The following SPPL3 variants were observed in gnomAD, a reference collection of about 807,000 sequenced individuals.
The protein encoded by SPPL3 is signal peptide peptidase like 3.
SPPL3 carries 5 observed loss-of-function variants against 42.4 expected under a neutral mutation model. That is an observed-to-expected ratio of 0.12 (90% CI 0.06 to 0.25). SPPL3 has a LOEUF of 0.25. Among genes scored for constraint, SPPL3 ranks in the 10% least tolerant of loss-of-function variants. The pLI is 1.00. For synonymous variants in SPPL3, 195 were observed against 181.8 expected (o/e 1.07, Z -0.58); for missense variants, 235 against 489.0 (o/e 0.48, Z 4.90).
chr12:120,903,436 C>T, intron 1 of SPPL3: 1 of 200,722 alleles, frequency 5.0e-6, no homozygotes. Flanking sequence ...GCCCAGCGGC[C>T]CACCTTTGCC....
At chr12:120,897,690 T>G (rs1873851845) in intron 1 of SPPL3, among the ~76,000 whole-genome samples, 1 of 152,176 alleles carries the variant, frequency 6.6e-6, no homozygotes, top group Non-Finnish European at 1.5e-5. Flanking sequence ...ACCACTGCAC[T>G]CCAGCCTGGG....
At chr12:120,903,742 CACGACACGCACCTGTTCTTCCTCCTCTT>C in intron 1 of SPPL3, 75 bp downstream of exon 1, 4 of 744,068 alleles carry the variant, frequency 5.4e-6, no homozygotes, top group Non-Finnish European at 5.9e-6. Context: ...GCCCCCCCCC[CACGACACGCACCTGTTCTTCCTCCTCTT>C]CCCCTCGGCG....
rs530087844 is a variant in SPPL3 at position 120,903,394 on chromosome 12, C to G, written c.23+451G>C. ...CTCTCCCAACTTAGAAGTTCTGCCT[C>G]TATCACCTGTTCTCACTAGAGCTTC... is the stretch of plus-strand genomic sequence containing the variant. On this transcript the variant is annotated intron_variant, in intron 1 of 10. Transcript: ENST00000353487. The G allele has an allele frequency of 9.0e-5, 13 of 144,900 alleles. No homozygotes were observed. In the South Asian group the frequency reaches 2.1e-3, roughly 24 times the overall value. The allele number at this position is 144,900 out of a possible 1,614,324, so 9.0% of individuals were successfully genotyped here.
intron 1 of SPPL3, among the ~76,000 whole-genome samples, chr12:120,882,108 G>A (rs1411692779): frequency 6.6e-6 from 1 of 152,016 alleles, no homozygotes; most frequent in Non-Finnish European, 1.5e-5. Flanking sequence ...TCCTGCCTGG[G>A]ATGTCACTCA....
In SPPL3 at chr12:120,794,615, C is replaced by G. The variant is rs944542216; in HGVS notation, c.102-3058G>C. ...GTTTCACTATGTTGGCCAGGCTGGT[C>G]TCGAACTCCTGACCTCATGATCCGC... On this transcript the variant is annotated intron_variant, in intron 2 of 10. Transcript: ENST00000353487. Among the ~76,000 whole-genome samples, 4 of 152,220 alleles carry G rather than the reference C, an allele frequency of 2.6e-5. No individual in the cohort carries two copies. The East Asian group carries it at 5.8e-4, about 22-fold the overall frequency.
chr12:120,779,708 C>T (rs1869453823), intron 6 of SPPL3, among the ~76,000 whole-genome samples: 1 of 151,562 alleles, frequency 6.6e-6, no homozygotes, highest in Middle Eastern at 3.4e-3. Context: ...CTGCGGTGGG[C>T]TCACGCCTGT....
At chr12:120,866,696 G>A (rs1872763214) in intron 1 of SPPL3, among the ~76,000 whole-genome samples, 1 of 152,198 alleles carries the variant, frequency 6.6e-6, no homozygotes, top group African/African-American at 2.4e-5. Context: ...TTCAGAATCT[G>A]ATAAAAGTTT....
intron 6 of SPPL3, among the ~76,000 whole-genome samples, chr12:120,782,264 G>T (rs115118172): frequency 6.6e-6 from 1 of 152,120 alleles, no homozygotes; most frequent in South Asian, 2.1e-4. Flanking sequence ...GGAAACAACC[G>T]GTAAACGAAT....
At chr12:120,825,151 A>G (rs574666406) in intron 1 of SPPL3, among the ~76,000 whole-genome samples, 35 of 152,236 alleles carry the variant, frequency 2.3e-4, no homozygotes, top group Non-Finnish European at 4.6e-4. Flanking sequence ...ATCCAAACTT[A>G]CATAATGTCA....
chr12:120,824,951 G>A (rs1481809774), intron 1 of SPPL3, among the ~76,000 whole-genome samples: 2 of 152,042 alleles, frequency 1.3e-5, no homozygotes, highest in Non-Finnish European at 2.9e-5. Flanking sequence ...CATATTTCTA[G>A]AAAGCTTAAC....
At chr12:120,836,451 A>G (rs996138859) in intron 1 of SPPL3, among the ~76,000 whole-genome samples, 1 of 152,162 alleles carries the variant, frequency 6.6e-6, no homozygotes, top group Admixed American at 6.5e-5. Flanking sequence ...CTCAACAAAA[A>G]GCCAGTACCA....
intron 2 of SPPL3, among the ~76,000 whole-genome samples, chr12:120,802,067 T>C (rs941487562): frequency 2.0e-5 from 3 of 152,154 alleles, no homozygotes; most frequent in Non-Finnish European, 4.4e-5. Flanking sequence ...CTAGAATTAA[T>C]TCAGTTGCAA....
chr12:120,764,695 T>C lies in SPPL3; in HGVS notation c.*304A>G. 2.5e-6 allele frequency: 1 copy of C among 398,836 alleles called. No homozygotes were observed. The highest frequency in any genetic ancestry group is 4.4e-6 in the Non-Finnish European group (1 of 226,636). The allele number at this position is 398,836 out of a possible 1,614,324, so 24.7% of individuals were successfully genotyped here. A position where few individuals can be genotyped will look rare whatever the true frequency, so the allele number is the denominator to read the frequency against. On this transcript the variant is annotated 3_prime_UTR_variant, in exon 11 of 11. Transcript: ENST00000353487. ...CAGTTTTTAAACAGTCAAATCTCCA[T>C]CTCCCCCAGAAGGTAACAGTCTGGT...
rs934547139 is a variant in SPPL3 at position 120,895,480 on chromosome 12, T to C, written c.23+8365A>G. ...ATTCATCATCTTTCTTCTTGTGGAA[T>C]GTAGCCATGGACTATGAAACTTAGA... On this transcript the variant is annotated intron_variant, in intron 1 of 10. Coordinates refer to ENST00000353487, the MANE Select transcript of SPPL3 (RefSeq NM_139015.5). 2.0e-5 allele frequency among the ~76,000 whole-genome samples: 3 copies of C among 151,800 alleles called. No homozygotes were observed. The East Asian group carries it at 5.8e-4, about 29-fold the overall frequency.
chr12:120,821,404 T>C (rs1871065375), intron 1 of SPPL3, among the ~76,000 whole-genome samples: 1 of 152,228 alleles, frequency 6.6e-6, no homozygotes, highest in African/African-American at 2.4e-5. Context: ...GAAACAGCCC[T>C]GGGCTGGCTG....
intron 1 of SPPL3, among the ~76,000 whole-genome samples, chr12:120,883,132 G>A (rs1220267012): frequency 6.6e-6 from 1 of 151,636 alleles, no homozygotes; most frequent in Admixed American, 6.6e-5. Flanking sequence ...GCGAAACCCC[G>A]TCTCTACTAA....
At chr12:120,890,252 AAAAAT>A (rs1593013407) in intron 1 of SPPL3, among the ~76,000 whole-genome samples, 1 of 151,920 alleles carries the variant, frequency 6.6e-6, no homozygotes, top group Admixed American at 6.6e-5. Context: ...TCCATCCCAA[AAAAAT>A]AAAATAAAAA....
chr12:120,852,793 A>ATCATATATACATATATGAAATATATATT, intron 1 of SPPL3, among the ~76,000 whole-genome samples: 1 of 55,272 alleles, frequency 1.8e-5, no homozygotes, highest in South Asian at 6.2e-4. Context: ...TATTTCATAT[A>ATCATATATACATATATGAAATATATATT]TCATATATAC....
chr12:120,879,750 G>A (rs930902419), intron 1 of SPPL3, among the ~76,000 whole-genome samples: 6 of 152,014 alleles, frequency 3.9e-5, no homozygotes, highest in African/African-American at 1.5e-4. Context: ...TAAGTAATCA[G>A]TTTTTCATCT....
Sources: allele counts gnomAD v4.1 joint callset (sites outside exome capture counted in the v4.1 genomes callset), GRCh38; gene constraint gnomAD v4.1.1; transcripts MANE v1.5; gene names NCBI Gene and HGNC (gene_info 2026-07-23, HGNC 2026-07-21).